PCDHGA10: variants seen among roughly 807,000 people sequenced by gnomAD.
PCDHGA10 encodes protocadherin gamma-A10.
In PCDHGA10, 42 loss-of-function variants were observed where a neutral mutation model predicts 59.5. That is an observed-to-expected ratio of 0.71 (90% CI 0.55 to 0.91). The LOEUF (loss-of-function observed/expected upper bound fraction) is 0.91. PCDHGA10 is among the 40% of genes least tolerant of loss of function. PCDHGA10 has a pLI of 0.00. For missense variants in PCDHGA10, 1,111 were observed against 1,198.2 expected, an observed-to-expected ratio of 0.93 and a Z score of 1.07; for synonymous variants, 511 against 517.2, an observed-to-expected ratio of 0.99 and a Z score of 0.16.
In PCDHGA10 at chr5:141,486,288, T is replaced by G. The variant is rs1181533037; in HGVS notation, c.2437-8519T>G. ...GAACCTGGCACTGTGGTGGCACTTA[T>G]CAGTGTGCAGGATCCAGACTCAGGG... On this transcript the variant is annotated intron_variant, in intron 1 of 3. Transcript: ENST00000398610. This position sits in a 1 kb window ranked among gnomAD's most constrained non-coding sequence, Gnocchi z 5.0. The G allele has an allele frequency of 6.2e-7, 1 of 1,613,996 alleles. No individual in the cohort carries two copies. The highest frequency in any genetic ancestry group is 1.7e-5 in the Admixed American group (1 of 60,000).
At chr5:141,419,739 G>A (rs200899065) in intron 1 of PCDHGA10, 179 of 1,613,652 alleles carry the variant, frequency 1.1e-4, no homozygotes, top group Admixed American at 2.5e-4. Context: ...GGCGAGGTGC[G>A]CATGGTGCGT....
rs13178808 is a variant in PCDHGA10 at position 141,491,920 on chromosome 5, G to A, written c.2437-2887G>A. 1.2e-4 allele frequency: 164 copies of A among 1,356,270 alleles called. No individual in the cohort carries two copies. Among genetic ancestry groups the A allele is most frequent in the Non-Finnish European group, 1.5e-4 (155 of 1,015,194 alleles). The allele number at this position is 1,356,270 out of a possible 1,614,324, so 84.0% of individuals were successfully genotyped here. On this transcript the variant is annotated intron_variant, in intron 1 of 3. Transcript: ENST00000398610. This position sits in a 1 kb window ranked among gnomAD's most constrained non-coding sequence, Gnocchi z 6.9. ...ACCGGGGGTGGTGGCGACTGTGGGC[G>A]AGGGGAGGTGGGACCGACCCCCACC...
intron 1 of PCDHGA10, chr5:141,422,178 G>A (rs1561799748): frequency 1.9e-6 from 3 of 1,563,306 alleles, no homozygotes; most frequent in Non-Finnish European, 1.7e-6. Flanking sequence ...GATTCTATGA[G>A]ATGGAAATTC....
At position 141,485,272 on chromosome 5, in the gene PCDHGA10, C is replaced by T. The variant is rs764196730; in HGVS notation, c.2437-9535C>T. The T allele has an allele frequency of 1.9e-6, 3 of 1,613,948 alleles. No homozygotes were observed. The highest frequency in any genetic ancestry group is 2.7e-5 in the African/African-American group (2 of 74,932). On this transcript the variant is annotated intron_variant, in intron 1 of 3. Transcript: ENST00000398610. The surrounding 1 kb of genome is among the most constrained non-coding windows in gnomAD (Gnocchi z 5.7). ...GTTACGTTTGTGGGCAGATCCGCTACCCGGTCCCAGAGGAGTCACAGGAAG... is the reference window on the plus strand; with the variant it reads ...GTTACGTTTGTGGGCAGATCCGCTATCCGGTCCCAGAGGAGTCACAGGAAG...
chr5:141,502,087 C>T (rs1289663374), intron 2 of PCDHGA10, among the ~76,000 whole-genome samples: 1 of 152,180 alleles, frequency 6.6e-6, no homozygotes, highest in Admixed American at 6.5e-5. Context: ...GGGCTGAGAA[C>T]ACCTGGCCTT....
chr5:141,414,429 G>A lies in PCDHGA10; in HGVS notation c.1254G>A (p.Gln418=), dbSNP rs1372056104. The A allele has an allele frequency of 6.2e-7, 1 of 1,613,860 alleles. No individual in the cohort carries two copies. The highest frequency in any genetic ancestry group is 8.5e-7 in the Non-Finnish European group (1 of 1,179,834). Reference sequence around the variant, plus strand: ...TACACAGAGCCCTTGACAGGGAACAGGTATCCTCTTACAATATCACAGTGA... The same window carrying A: ...TACACAGAGCCCTTGACAGGGAACAAGTATCCTCTTACAATATCACAGTGA... ...LVIHRALDRE[Q]VSSYNITVTA... Residue 418 remains glutamine, a synonymous_variant, in exon 1 of 4, where the codon CAG becomes CAA. Transcript: ENST00000398610.
At chr5:141,472,980 C>CAAAAAAAAAAAAAAAAAAAAAAAA (rs60579131) in intron 1 of PCDHGA10, among the ~76,000 whole-genome samples, 7 of 86,078 alleles carry the variant, frequency 8.1e-5, no homozygotes, top group African/African-American at 1.9e-4. Context: ...GAGTGAAACT[C>CAAAAAAAAAAAAAAAAAAAAAAAA]AAAAAAAAAA....
At position 141,505,200 on chromosome 5, in the gene PCDHGA10, G is replaced by T. The variant is rs528060752; in HGVS notation, c.2496-193G>T. On this transcript the variant is annotated intron_variant, in intron 2 of 3. Transcript: ENST00000398610. ...AAAGCATCGGAGGCAGCAAAGAGCTGGTTTGAGGGACTGACTTGTGGGATT... is the reference window on the plus strand; with the variant it reads ...AAAGCATCGGAGGCAGCAAAGAGCTTGTTTGAGGGACTGACTTGTGGGATT... Among the ~76,000 whole-genome samples the T allele has an allele frequency of 6.6e-5, 10 of 152,244 alleles. No individual in the cohort carries two copies. The East Asian group carries it at 7.7e-4, about 12-fold the overall frequency.
chr5:141,432,615 T>G lies in PCDHGA10; in HGVS notation c.2436+17004T>G. ...GCCAGCGAGCCGGGACTCTTCTCGG[T>G]GGGTCTGCACACGGGCGAGGTGCGC... On this transcript the variant is annotated intron_variant, in intron 1 of 3. Coordinates refer to ENST00000398610, the MANE Select transcript of PCDHGA10 (RefSeq NM_018913.3). The surrounding 1 kb of genome is among the most constrained non-coding windows in gnomAD (Gnocchi z 6.0). The G allele has an allele frequency of 2.5e-6, 4 of 1,613,820 alleles. No homozygotes were observed. The highest frequency in any genetic ancestry group is 1.1e-5 in the South Asian group (1 of 91,054).
At chr5:141,463,587 T>TA (rs2099064735) in intron 1 of PCDHGA10, among the ~76,000 whole-genome samples, 1 of 152,058 alleles carries the variant, frequency 6.6e-6, no homozygotes, top group East Asian at 1.9e-4. Context: ...TAGCTGGGAC[T>TA]ACAGGTGCCT....
At chr5:141,461,794 C>T (rs191966750) in intron 1 of PCDHGA10, among the ~76,000 whole-genome samples, 7 of 152,134 alleles carry the variant, frequency 4.6e-5, no homozygotes, top group African/African-American at 1.7e-4. Flanking sequence ...GCTGGGATTA[C>T]AGGTGCCCAC....
intron 1 of PCDHGA10, chr5:141,424,789 A>T (rs538504226): frequency 2.0e-5 from 3 of 152,238 alleles, no homozygotes; most frequent in African/African-American, 7.2e-5. Flanking sequence ...CAGTTCTTTT[A>T]TTCAGACCAA....
chr5:141,431,839 T>A lies in PCDHGA10; in HGVS notation c.2436+16228T>A. The A allele has an allele frequency of 1.2e-6, 2 of 1,614,198 alleles. No individual in the cohort carries two copies. The highest frequency in any genetic ancestry group is 1.7e-6 in the Non-Finnish European group (2 of 1,180,028). The stretch of plus-strand genomic sequence containing the variant: ...TCGCCAGCTCGGTTCCCGAAAACTC[T>A]CCCAGAGGGACATTAATTGCCCTTT... On this transcript the variant is annotated intron_variant, in intron 1 of 3. Coordinates refer to ENST00000398610, the MANE Select transcript of PCDHGA10 (RefSeq NM_018913.3). This position sits in a 1 kb window ranked among gnomAD's most constrained non-coding sequence, Gnocchi z 4.8.
chr5:141,442,472 C>T (rs1032989256), intron 1 of PCDHGA10: 1 of 152,204 alleles, frequency 6.6e-6, no homozygotes, highest in Non-Finnish European at 1.5e-5. Context: ...GCAGAAAGCC[C>T]CTTGGGGAAG....
chr5:141,427,658 C>A, intron 1 of PCDHGA10: 2 of 738,894 alleles, frequency 2.7e-6, no homozygotes, highest in Non-Finnish European at 4.8e-6. Context: ...ACGTGGTCCA[C>A]GTGGCCGAAA....
At chr5:141,421,184 C>T (rs2096551183) in intron 1 of PCDHGA10, 4 of 1,457,822 alleles carry the variant, frequency 2.7e-6, no homozygotes, top group Non-Finnish European at 3.7e-6. Context: ...CGATTCACAA[C>T]CAACCAGCTC....
intron 1 of PCDHGA10, chr5:141,426,750 G>A (rs1287163824): frequency 2.2e-6 from 1 of 456,160 alleles, no homozygotes; most frequent in Non-Finnish European, 4.4e-6. Context: ...CCTGGAATCT[G>A]CTATAGATGC....
rs755130135 is a variant in PCDHGA10 at position 141,431,477 on chromosome 5, C to A, written c.2436+15866C>A. On this transcript the variant is annotated intron_variant, in intron 1 of 3. Coordinates refer to ENST00000398610, the MANE Select transcript of PCDHGA10 (RefSeq NM_018913.3). The surrounding 1 kb of genome is among the most constrained non-coding windows in gnomAD (Gnocchi z 4.8). ...GGTTCTGGATGCGAACGACAACGCA[C>A]CAGCGTTTGCTCAGCCCGAGTACCG... is the stretch of plus-strand genomic sequence containing the variant. 40 of 1,613,768 alleles carry A rather than the reference C, an allele frequency of 2.5e-5. No individual in the cohort carries two copies. The highest frequency in any genetic ancestry group is 3.3e-5 in the Admixed American group (2 of 60,008).
rs756466649 is a variant in PCDHGA10, at chr5:141,495,663, G to A, written c.2495+798G>A. 1.1e-3 allele frequency among the ~76,000 whole-genome samples: 169 copies of A among 152,164 alleles called. 3 individuals are homozygous for A. The highest frequency in any genetic ancestry group is 1.9e-3 in the Admixed American group (29 of 15,272). ...TTGTCTACTTGCATTGATCTGTGCCGCCCACTGTGCCTGCCATGGCATAAG... is the reference window on the plus strand; with the variant it reads ...TTGTCTACTTGCATTGATCTGTGCCACCCACTGTGCCTGCCATGGCATAAG... On this transcript the variant is annotated intron_variant, in intron 2 of 3. Coordinates refer to ENST00000398610, the MANE Select transcript of PCDHGA10 (RefSeq NM_018913.3).
Sources: gnomAD v4.1 joint callset for allele counts (sites outside exome capture counted in the v4.1 genomes callset) on GRCh38, gnomAD v4.1.1 for gene constraint, Gnocchi (gnomAD v3.1) non-coding constraint, MANE v1.5 for transcripts, NCBI Gene and HGNC (gene_info 2026-07-23, HGNC 2026-07-21) for gene names.